Variants in AK7 observed in about 807,000 individuals in gnomAD.
The protein encoded by AK7 is adenylate kinase 7, also known as ATP-AMP transphosphorylase 7.
A neutral mutation model predicts 96.6 loss-of-function variants in AK7; 78 were observed. That is an observed-to-expected ratio of 0.81 (90% confidence interval 0.67 to 0.97). The LOEUF (loss-of-function observed/expected upper bound fraction) is 0.97, where lower values mean the gene tolerates loss of function less well. Among genes scored for constraint, AK7 ranks in the 50% least tolerant of loss-of-function variants. The pLI, the probability that AK7 is intolerant of heterozygous loss-of-function variation, is 0.00. For missense variants in AK7, 855 were observed against 887.9 expected (o/e 0.96, Z 0.47); for synonymous variants, 302 against 317.2 (o/e 0.95, Z 0.51).
At chr14:96,454,423 A>G (rs1159826703) in intron 10 of AK7, among the ~76,000 whole-genome samples, 5 of 151,984 alleles carry the variant, frequency 3.3e-5, no homozygotes, top group African/African-American at 7.2e-5. Context: ...AATCAAGTTT[A>G]TCAGCAGGAG....
At position 96,451,673 on chromosome 14, in the gene AK7, A is replaced by G. The variant is rs1179217322; in HGVS notation, c.1098+103A>G. Reference sequence around the variant, plus strand: ...AAGTATTTGCTTTTTCAGACGTTCAAATTTCTAATTTCAAGTTTTTCAAAT... The same window carrying G: ...AAGTATTTGCTTTTTCAGACGTTCAGATTTCTAATTTCAAGTTTTTCAAAT... On this transcript the variant is annotated intron_variant, in intron 10 of 17. Coordinates refer to ENST00000267584, the MANE Select transcript of AK7 (RefSeq NM_152327.5). 3 of 1,197,160 alleles carry G rather than the reference A, an allele frequency of 2.5e-6. No individual in the cohort carries two copies. The African/African-American group carries it at 4.7e-5, about 19-fold the overall frequency. 74.2% of individuals were successfully genotyped at this position (1,197,160 alleles called of 1,614,324 possible).
intron 14 of AK7, among the ~76,000 whole-genome samples, chr14:96,474,446 T>TAAAAAAAA (rs1170896129): frequency 9.9e-6 from 1 of 101,470 alleles, no homozygotes; most frequent in Non-Finnish European, 2.0e-5. Context: ...TCATATCTAC[T>TAAAAAAAA]AAAAAAAAAA....
Position 96,420,698 on chromosome 14 carries a change from T to A in AK7, c.499-124T>A. The A allele has an allele frequency of 4.3e-6, 3 of 694,138 alleles. No homozygotes were observed. The South Asian group carries it at 5.9e-5, about 14-fold the overall frequency. 43.0% of individuals were successfully genotyped at this position (694,138 alleles called of 1,614,324 possible). ...ACACAGCGAGACCCTGTCTCAAAAATAAAAAAATAAATCAAGCGGTAGTTT... is the reference window on the plus strand; with the variant it reads ...ACACAGCGAGACCCTGTCTCAAAAAAAAAAAAATAAATCAAGCGGTAGTTT... On this transcript the variant is annotated intron_variant, in intron 4 of 17. Transcript: ENST00000267584.
intron 12 of AK7, among the ~76,000 whole-genome samples, chr14:96,468,498 C>T (rs1468848380): frequency 1.3e-5 from 2 of 151,670 alleles, no homozygotes; most frequent in African/African-American, 2.4e-5. Flanking sequence ...GGGATTTCAC[C>T]GTGTTAGCCA....
intron 16 of AK7, among the ~76,000 whole-genome samples, chr14:96,486,477 T>C (rs1311677866): frequency 6.6e-6 from 1 of 152,206 alleles, no homozygotes; most frequent in East Asian, 1.9e-4. Flanking sequence ...GGCTGGATGA[T>C]GGGCTTAAAT....
chr14:96,473,083 A>G (rs1894984813), intron 14 of AK7, among the ~76,000 whole-genome samples: 1 of 151,990 alleles, frequency 6.6e-6, no homozygotes, highest in Admixed American at 6.6e-5. Context: ...GTTTCAAAAG[A>G]AAAGAAGAAT....
rs117005477 is a variant in AK7 at position 96,393,276 on chromosome 14, A to C, written c.105+1017A>C. Among the ~76,000 whole-genome samples, 141 of 152,328 alleles carry C rather than the reference A, an allele frequency of 9.3e-4. 1 individual carries two copies. The East Asian group carries it at 9.6e-3, about 10-fold the overall frequency. On this transcript the variant is annotated intron_variant, in intron 1 of 17. Coordinates refer to ENST00000267584, the MANE Select transcript of AK7 (RefSeq NM_152327.5). ...AGAAATCTAATCTCACCCTGGACAGACTTCTCTGAGGCTAATGACTGCACT... is the reference window on the plus strand; with the variant it reads ...AGAAATCTAATCTCACCCTGGACAGCCTTCTCTGAGGCTAATGACTGCACT...
chr14:96,459,268 G>T (rs544573119), intron 12 of AK7, among the ~76,000 whole-genome samples: 3 of 152,056 alleles, frequency 2.0e-5, no homozygotes, highest in Non-Finnish European at 2.9e-5. Context: ...AACCCGGGAG[G>T]TGGAGGCTGC....
chr14:96,408,812 G>A (rs757477321), intron 3 of AK7, 35 bp from the exon 4 acceptor site: 8 of 1,605,380 alleles, frequency 5.0e-6, no homozygotes, highest in Non-Finnish European at 6.8e-6. Context: ...GTTGTGCATG[G>A]GTCCAAATAA....
chr14:96,467,331 CTT>C (rs35485071), intron 12 of AK7, among the ~76,000 whole-genome samples: 6 of 144,776 alleles, frequency 4.1e-5, no homozygotes, highest in African/African-American at 2.5e-5. Context: ...TTTGCTGCTG[CTT>C]TTTTTTTTTT....
At chr14:96,432,671 G>T (rs1024189895) in intron 5 of AK7, among the ~76,000 whole-genome samples, 7 of 151,944 alleles carry the variant, frequency 4.6e-5, no homozygotes, top group African/African-American at 1.2e-4. Context: ...ATGAAATTCT[G>T]GGTTGAAAAT....
At chr14:96,430,781 G>A (rs960308345) in intron 5 of AK7, among the ~76,000 whole-genome samples, 7 of 152,194 alleles carry the variant, frequency 4.6e-5, no homozygotes, top group African/African-American at 1.7e-4. Context: ...GATGATGCTA[G>A]CCTCATAAAA....
At chr14:96,420,473 TAGG>T (rs2140038882) in intron 4 of AK7, among the ~76,000 whole-genome samples, 2 of 151,932 alleles carry the variant, frequency 1.3e-5, no homozygotes, top group African/African-American at 4.8e-5. Context: ...CCATCCAGTC[TAGG>T]AGGATGCTAC....
intron 15 of AK7, 166 bp from the exon 16 acceptor site, chr14:96,482,833 G>A: frequency 1.3e-6 from 1 of 783,896 alleles, no homozygotes; most frequent in South Asian, 1.9e-5. Flanking sequence ...TCTGATATTT[G>A]CCCGTGAGAG....
intron 12 of AK7, among the ~76,000 whole-genome samples, chr14:96,462,913 G>A (rs1041351825): frequency 6.6e-6 from 1 of 152,208 alleles, no homozygotes; most frequent in Non-Finnish European, 1.5e-5. Context: ...CAAAGAGGGC[G>A]GATCACGAGG....
At chr14:96,418,365 T>C (rs1026112772) in intron 4 of AK7, among the ~76,000 whole-genome samples, 1 of 120,160 alleles carries the variant, frequency 8.3e-6, no homozygotes, top group Non-Finnish European at 1.8e-5. Context: ...TAGCCTTTTA[T>C]TGCTATTGGA....
At chr14:96,448,883 G>A (rs1330583320) in intron 8 of AK7, among the ~76,000 whole-genome samples, 1 of 152,098 alleles carries the variant, frequency 6.6e-6, no homozygotes, top group Non-Finnish European at 1.5e-5. Flanking sequence ...TTGAACCTGG[G>A]AGGCAGAGGT....
chr14:96,478,635 GA>G lies in AK7; in HGVS notation c.1728del (p.Glu576AspfsTer11). On this transcript the variant is annotated frameshift_variant, in exon 15 of 18. Transcript: ENST00000267584. LOFTEE classifies it high-confidence loss of function. ...DDETVFNYFD[E>X]LEIHPIHIDV... ...TGAGACTGTCTTCAACTATTTTGAT[GA>G]ACTTGAAATTCACCCGATACATATT... is the stretch of plus-strand genomic sequence containing the variant. 1 of 1,614,112 alleles carries G rather than the reference GA, an allele frequency of 6.2e-7. No homozygotes were observed. The highest frequency in any genetic ancestry group is 8.5e-7 in the Non-Finnish European group (1 of 1,180,020).
intron 5 of AK7, among the ~76,000 whole-genome samples, chr14:96,434,020 A>G (rs907614309): frequency 1.2e-4 from 19 of 152,302 alleles, no homozygotes; most frequent in African/African-American, 4.1e-4. Context: ...TCTGTCTGAA[A>G]GGTCACATAG....
Sources: gnomAD v4.1 joint callset for allele counts (sites outside exome capture counted in the v4.1 genomes callset) on GRCh38, gnomAD v4.1.1 for gene constraint, MANE v1.5 for transcripts, NCBI Gene and HGNC (gene_info 2026-07-23, HGNC 2026-07-21) for gene names.